The following RPS6KC1 variants were observed in gnomAD, a reference collection of about 807,000 sequenced individuals.
RPS6KC1 encodes the protein inactive ribosomal protein S6 kinase delta-1.
Under a neutral mutation model 103.8 loss-of-function variants are expected in RPS6KC1, and 54 were observed. The ratio of observed to expected loss-of-function variants is 0.52; its 90% CI spans 0.42 to 0.65. RPS6KC1 has a LOEUF of 0.65. RPS6KC1 is among the 30% of genes least tolerant of loss of function. The pLI is 0.00. For synonymous variants in RPS6KC1, 439 were observed against 438.7 expected (o/e 1.00, Z -0.01); for missense variants, 1,151 against 1,253.8 (o/e 0.92, Z 1.24).
At chr1:213,363,647 T>G in the RPS6KC1 span, among the ~76,000 whole-genome samples, 2 of 72,418 alleles carry the variant, frequency 2.8e-5, no homozygotes, top group African/African-American at 2.3e-4. Flanking sequence ...TCTTTCTTTC[T>G]TTCTTTCTTT....
rs6675616 is a variant in RPS6KC1 at position 213,051,646 on chromosome 1, G to T, written c.105+137G>T. 86 of 630,320 alleles carry T rather than the reference G, an allele frequency of 1.4e-4. No individual in the cohort carries two copies. In the African/African-American group the frequency reaches 1.4e-3, roughly 10 times the overall value. The allele number at this position is 630,320 out of a possible 1,614,324, so 39.0% of individuals were successfully genotyped here. ...GGTGCTGCTCCTACTGGCGGGACTT[G>T]GGTGTCGGAGGTTGGGATTTTTAGA... On this transcript the variant is annotated intron_variant, in intron 1 of 14. Transcript: ENST00000366960.
intron 1 of RPS6KC1, among the ~76,000 whole-genome samples, chr1:213,068,483 C>CAA (rs71147057): frequency 0.055 from 2,001 of 36,278 alleles, 524 homozygotes; most frequent in African/African-American, 0.11. Flanking sequence ...GACTCTGTCT[C>CAA]AAAAAAAAAA....
At position 213,272,769 on chromosome 1, in the gene RPS6KC1, G is replaced by A; in HGVS notation, c.*135G>A. 4 of 630,610 alleles carry A rather than the reference G, an allele frequency of 6.3e-6. No homozygotes were observed. In the South Asian group the frequency reaches 7.5e-5, roughly 12 times the overall value. The allele number at this position is 630,610 out of a possible 1,614,324, so 39.1% of individuals were successfully genotyped here. A position where few individuals can be genotyped will look rare whatever the true frequency, so the allele number is the denominator to read the frequency against. On this transcript the variant is annotated 3_prime_UTR_variant, in exon 15 of 15. Transcript: ENST00000366960. ...TAAAGACCGTTATAGGAAATGGGGG[G>A]GAAATGGCTAAAAGAGAACAATTCG... is the stretch of plus-strand genomic sequence containing the variant.
At chr1:213,807,956 T>C in the RPS6KC1 span, among the ~76,000 whole-genome samples, 2 of 152,216 alleles carry the variant, frequency 1.3e-5, no homozygotes, top group Non-Finnish European at 2.9e-5. Flanking sequence ...GGCTTTTTAG[T>C]GTGGATGTCC....
chr1:213,646,681 G>A, the RPS6KC1 span, among the ~76,000 whole-genome samples: 1 of 151,904 alleles, frequency 6.6e-6, no homozygotes, highest in Non-Finnish European at 1.5e-5. Context: ...ATGCAGGGCA[G>A]GATGAAGGAA....
At chr1:213,827,150 G>A in the RPS6KC1 span, among the ~76,000 whole-genome samples, 1 of 152,182 alleles carries the variant, frequency 6.6e-6, no homozygotes, top group African/African-American at 2.4e-5. Flanking sequence ...TGAATGCAGA[G>A]AGCCGGGCAT....
intron 9 of RPS6KC1, among the ~76,000 whole-genome samples, chr1:213,231,361 AAATG>A (rs1313529061): frequency 6.6e-6 from 1 of 152,236 alleles, no homozygotes; most frequent in Non-Finnish European, 1.5e-5. Context: ...ATTTATAACT[AAATG>A]AATAAGGAGA....
At chr1:213,246,964 G>A (rs1029696226) in intron 12 of RPS6KC1, among the ~76,000 whole-genome samples, 3 of 152,132 alleles carry the variant, frequency 2.0e-5, no homozygotes, top group Non-Finnish European at 4.4e-5. Flanking sequence ...AATTATTTGT[G>A]TTAGTTAACC....
the RPS6KC1 span, among the ~76,000 whole-genome samples, chr1:213,776,728 C>T: frequency 6.6e-6 from 1 of 152,282 alleles, no homozygotes; most frequent in Non-Finnish European, 1.5e-5. Context: ...GTTTTGAAAC[C>T]AGACATTGAC....
At chr1:213,408,525 T>C in the RPS6KC1 span, among the ~76,000 whole-genome samples, 1 of 152,244 alleles carries the variant, frequency 6.6e-6, no homozygotes, top group African/African-American at 2.4e-5. Context: ...CCTCATCTAA[T>C]CAGTTGAAGA....
intron 8 of RPS6KC1, among the ~76,000 whole-genome samples, chr1:213,184,669 C>T (rs924345823): frequency 6.6e-6 from 1 of 151,956 alleles, no homozygotes. Context: ...TTGCCATAGC[C>T]CACAGATTTT....
chr1:213,393,904 G>A, the RPS6KC1 span, among the ~76,000 whole-genome samples: 1 of 152,138 alleles, frequency 6.6e-6, no homozygotes, highest in African/African-American at 2.4e-5. Flanking sequence ...CTGATGGGGA[G>A]GAGTAAGGAG....
chr1:213,571,326 TAG>T, the RPS6KC1 span, among the ~76,000 whole-genome samples: 3 of 152,156 alleles, frequency 2.0e-5, no homozygotes, highest in African/African-American at 7.2e-5. Flanking sequence ...TCCCTGCCCT[TAG>T]GGAACTTACA....
At chr1:213,351,129 A>G in the RPS6KC1 span, among the ~76,000 whole-genome samples, 1 of 152,220 alleles carries the variant, frequency 6.6e-6, no homozygotes, top group Non-Finnish European at 1.5e-5. Flanking sequence ...GTTTTCCACC[A>G]AAATCCTCGT....
chr1:213,500,210 T>C, the RPS6KC1 span, among the ~76,000 whole-genome samples: 2 of 152,212 alleles, frequency 1.3e-5, no homozygotes, highest in Non-Finnish European at 2.9e-5. Context: ...CTTTTTCCTA[T>C]TTATTAACTT....
chr1:213,286,811 C>T, the RPS6KC1 span, among the ~76,000 whole-genome samples: 1 of 152,184 alleles, frequency 6.6e-6, no homozygotes, highest in East Asian at 1.9e-4. Flanking sequence ...TATTGCCAGA[C>T]ACCACCTTGC....
chr1:213,539,840 T>C, the RPS6KC1 span, among the ~76,000 whole-genome samples: 55 of 144,278 alleles, frequency 3.8e-4, 1 homozygote, highest in South Asian at 0.013. Flanking sequence ...GCAAGTATCA[T>C]AATAAAGCAG....
At chr1:213,704,213 C>T in the RPS6KC1 span, among the ~76,000 whole-genome samples, 13 of 151,160 alleles carry the variant, frequency 8.6e-5, no homozygotes, top group African/African-American at 3.2e-4. Context: ...CGGTGAAACC[C>T]CGTCTCTACT....
At chr1:213,369,570 C>G in the RPS6KC1 span, among the ~76,000 whole-genome samples, 23 of 152,336 alleles carry the variant, frequency 1.5e-4, no homozygotes, top group East Asian at 4.2e-3. Flanking sequence ...TCAGTGAAAC[C>G]CATTCTTTAG....
Sources: gnomAD v4.1 joint callset for allele counts (sites outside exome capture counted in the v4.1 genomes callset) on GRCh38, gnomAD v4.1.1 for gene constraint, MANE v1.5 for transcripts, NCBI Gene and HGNC (gene_info 2026-07-23, HGNC 2026-07-21) for gene names.